Variants in TBL1X observed in about 807,000 individuals in gnomAD.
The protein encoded by TBL1X is transducin beta like 1 X-linked.
TBL1X carries 10 observed loss-of-function variants against 50.7 expected under a neutral mutation model. The observed-to-expected ratio is 0.20, with a 90% CI of 0.12 to 0.33. The LOEUF is 0.33. Among genes scored for constraint, TBL1X ranks in the 10% least tolerant of loss-of-function variants. TBL1X has a pLI of 1.00. For missense variants in TBL1X, 340 were observed against 504.4 expected (o/e 0.67, Z 3.12); for synonymous variants, 190 against 214.7 (o/e 0.88, Z 1.01).
At chrX:9,686,513 TATA>T (rs1370546620) in intron 6 of TBL1X, among the ~76,000 whole-genome samples, 7 of 111,852 alleles carry the variant, frequency 6.3e-5, no homozygotes, top group Non-Finnish European at 1.3e-4. Flanking sequence ...GCCTGGCCAA[TATA>T]ATGAGACCCT....
chrX:9,679,545 C>T (rs1392632394), intron 5 of TBL1X, among the ~76,000 whole-genome samples: 1 of 112,310 alleles, frequency 8.9e-6, no homozygotes, highest in Admixed American at 9.4e-5. Context: ...CATCGAGGTA[C>T]CACCAAGCTC....
Position 9,697,446 on chromosome X carries a change from T to C in TBL1X, c.1114+17T>C. On this transcript the variant is annotated intron_variant, in intron 12 of 17. Transcript: ENST00000645353. ...TTCATTCAGGTGAGTTTTTTGTTGT[T>C]GTTGTTGTTGTTTGTTTTTTTGTAA... 1 of 1,208,233 alleles carries C rather than the reference T, an allele frequency of 8.3e-7. No individual in the cohort carries two copies. The highest frequency in any genetic ancestry group is 1.1e-6 in the Non-Finnish European group (1 of 894,768).
chrX:9,493,064 A>T (rs1449804362), intron 1 of TBL1X, among the ~76,000 whole-genome samples: 5 of 110,941 alleles, frequency 4.5e-5, no homozygotes, highest in Non-Finnish European at 9.4e-5. Flanking sequence ...TCCGCTGGTT[A>T]TTTCCCTCCA....
chrX:9,501,215 A>G (rs933263066), intron 1 of TBL1X, among the ~76,000 whole-genome samples: 3 of 111,964 alleles, frequency 2.7e-5, no homozygotes, highest in African/African-American at 9.7e-5. Context: ...TACCCATCCT[A>G]GTGGTGTGAC....
chrX:9,657,747 C>T lies in TBL1X; in HGVS notation c.211+3425C>T, dbSNP rs781542199. 2.5e-3 allele frequency among the ~76,000 whole-genome samples: 286 copies of T among 112,411 alleles called. 1 individual carries two copies. The highest frequency in any genetic ancestry group is 3.7e-3 in the Non-Finnish European group (195 of 53,255). On this transcript the variant is annotated intron_variant, in intron 5 of 17. Transcript: ENST00000645353. ...GCACTCAATAGCTGTTACCCACAGG[C>T]GACATCTCATAGCAGCAGACTCATG...
intron 15 of TBL1X, among the ~76,000 whole-genome samples, chrX:9,710,569 C>T (rs1221368158): frequency 8.9e-6 from 1 of 111,894 alleles, no homozygotes; most frequent in African/African-American, 3.3e-5. Flanking sequence ...TCCTTTTAGT[C>T]AGCAAGTATA....
intron 12 of TBL1X, among the ~76,000 whole-genome samples, chrX:9,703,978 ATTTTGGTACAT>A (rs1028250104): frequency 8.9e-6 from 1 of 112,152 alleles, no homozygotes; most frequent in Non-Finnish European, 1.9e-5. Flanking sequence ...TGCCTTGGCC[ATTTTGGTACAT>A]TGGGAAGTTG....
intron 2 of TBL1X, among the ~76,000 whole-genome samples, chrX:9,514,097 G>GGT (rs1186137469): frequency 9.0e-6 from 1 of 110,988 alleles, no homozygotes; most frequent in African/African-American, 3.3e-5. Flanking sequence ...TTTGGAAAGG[G>GGT]AAGACATCCA....
chrX:9,525,350 T>A (rs1207356469), intron 2 of TBL1X, among the ~76,000 whole-genome samples: 1 of 112,104 alleles, frequency 8.9e-6, no homozygotes, highest in Non-Finnish European at 1.9e-5. Flanking sequence ...CTCAATAGAC[T>A]GTATGCTTTT....
At chrX:9,712,874 G>C (rs2083256104) in intron 16 of TBL1X, among the ~76,000 whole-genome samples, 1 of 111,358 alleles carries the variant, frequency 9.0e-6, no homozygotes, top group East Asian at 2.8e-4. Context: ...TCTAGTCTAA[G>C]GGAAGAGAGA....
intron 1 of TBL1X, among the ~76,000 whole-genome samples, chrX:9,492,104 G>A (rs909694078): frequency 1.8e-5 from 2 of 112,038 alleles, no homozygotes; most frequent in Non-Finnish European, 3.8e-5. Context: ...TTAAGGGGGT[G>A]TTAGTATTGA....
At chrX:9,513,497 C>T (rs769685898) in intron 2 of TBL1X, among the ~76,000 whole-genome samples, 1 of 111,851 alleles carries the variant, frequency 8.9e-6, no homozygotes, top group Non-Finnish European at 1.9e-5. Flanking sequence ...AATTCGTCCA[C>T]TTGGAATCCA....
rs1405308712 is a variant in TBL1X at position 9,718,967 on chromosome X, C to T, written c.*2721C>T. The T allele has an allele frequency of 1.8e-5, 2 of 112,314 alleles. No individual in the cohort carries two copies. The highest frequency in any genetic ancestry group is 3.8e-5 in the Non-Finnish European group (2 of 53,272). The allele number at this position is 112,314 out of a possible 1,213,427, so 9.3% of individuals were successfully genotyped here. ...GGACAGCCGTTTTCAGAGCCTCCAG[C>T]ATTTGCACACCACTACTCACCCTCT... On this transcript the variant is annotated 3_prime_UTR_variant, in exon 18 of 18. Transcript: ENST00000645353.
At chrX:9,577,046 A>G (rs1164807196) in intron 2 of TBL1X, among the ~76,000 whole-genome samples, 1 of 111,419 alleles carries the variant, frequency 9.0e-6, no homozygotes. Context: ...CAAAAACCAA[A>G]AAAGAGGTAT....
intron 2 of TBL1X, among the ~76,000 whole-genome samples, chrX:9,542,381 C>T (rs961431023): frequency 3.6e-5 from 4 of 111,372 alleles, no homozygotes; most frequent in Non-Finnish European, 5.7e-5. Flanking sequence ...TTACAACCGG[C>T]GGCAACACAG....
intron 5 of TBL1X, among the ~76,000 whole-genome samples, chrX:9,678,466 CCATGATCTAGGCA>C (rs1171349642): frequency 8.9e-6 from 1 of 112,296 alleles, no homozygotes; most frequent in Non-Finnish European, 1.9e-5. Flanking sequence ...GTTTGCAAGC[CCATGATCTAGGCA>C]ATGCACAGAT....
chrX:9,527,530 G>T (rs1393436440), intron 2 of TBL1X, among the ~76,000 whole-genome samples: 1 of 111,918 alleles, frequency 8.9e-6, no homozygotes, highest in African/African-American at 3.3e-5. Context: ...TGGGGTGGGG[G>T]TTGATCGGTG....
At chrX:9,534,478 A>G (rs2082177880) in intron 2 of TBL1X, among the ~76,000 whole-genome samples, 1 of 69,947 alleles carries the variant, frequency 1.4e-5, no homozygotes, top group Non-Finnish European at 2.6e-5. Flanking sequence ...GCTATTGTGG[A>G]CTTTTTTTTA....
chrX:9,712,775 A>G (rs755777020), intron 16 of TBL1X, among the ~76,000 whole-genome samples: 2 of 112,194 alleles, frequency 1.8e-5, no homozygotes, highest in South Asian at 3.7e-4. Flanking sequence ...ACACCTGAGG[A>G]TAGAAGAATT....
Sources: gnomAD v4.1 joint callset for allele counts (sites outside exome capture counted in the v4.1 genomes callset) on GRCh38, gnomAD v4.1.1 for gene constraint, MANE v1.5 for transcripts, NCBI Gene and HGNC (gene_info 2026-07-23, HGNC 2026-07-21) for gene names.